The following SEC16A variants were observed in gnomAD, a reference collection of about 807,000 sequenced individuals.
SEC16A encodes the protein SEC16 homolog A, endoplasmic reticulum export factor, also known as protein transport protein Sec16A.
In SEC16A, 110 loss-of-function variants were observed where a neutral mutation model predicts 221.9. The ratio of observed to expected loss-of-function variants is 0.50; its 90% CI spans 0.42 to 0.58. The LOEUF (loss-of-function observed/expected upper bound fraction) is 0.58, where lower values mean the gene tolerates loss of function less well. SEC16A is among the 20% of genes least tolerant of loss of function. The pLI is 0.00. For missense variants in SEC16A, 3,165 were observed against 3,097.8 expected (o/e 1.02, Z -0.52); for synonymous variants, 1,393 against 1,257.7 (o/e 1.11, Z -2.28).
rs750614512 is a variant in SEC16A, at chr9:136,457,505, G to C, written c.5489C>G (p.Ala1830Gly). 1.9e-6 allele frequency: 3 copies of C among 1,609,762 alleles called. No individual in the cohort carries two copies. Among genetic ancestry groups the C allele is most frequent in the Non-Finnish European group, 2.5e-6 (3 of 1,177,982 alleles). The change falls in exon 18 of 32, where the codon GCG (alanine) becomes GGG (glycine). Residue 1830 changes from alanine (A) to glycine (G), a missense_variant. By Grantham distance (60) the Ala-to-Gly change is moderately conservative (BLOSUM62 0). This residue lies in a region of SEC16A where 1,088 missense variants were observed against 1,089.6 expected (regional missense o/e 1.00). Coordinates refer to ENST00000684901, the MANE Select transcript of SEC16A (RefSeq NM_014866.2). ...TQAFHYCEAI[A>G]KSILTQPHLY... ...GTGCGGCTGCGTCAGGATGCTCTTCGCGATGGCCTCACAGTAGTGGAAGGC... is the reference window on the plus strand; with the variant it reads ...GTGCGGCTGCGTCAGGATGCTCTTCCCGATGGCCTCACAGTAGTGGAAGGC...
chr9:136,443,030 G>A (rs1049576651), intron 31 of SEC16A, among the ~76,000 whole-genome samples: 2 of 152,250 alleles, frequency 1.3e-5, no homozygotes, highest in Non-Finnish European at 2.9e-5. Context: ...GACCCACTCC[G>A]GGGAGACCCG....
At chr9:136,454,698 C>T (rs982169116) in intron 20 of SEC16A, among the ~76,000 whole-genome samples, 2 of 152,204 alleles carry the variant, frequency 1.3e-5, no homozygotes, top group Non-Finnish European at 2.9e-5. Context: ...TTCATTCTTC[C>T]GACTCAACAT....
chr9:136,454,062 C>T (rs1460995734), intron 21 of SEC16A, 47 bp downstream of exon 21: 1 of 1,479,326 alleles, frequency 6.8e-7, no homozygotes, highest in Non-Finnish European at 9.2e-7. Context: ...ACAAACACCA[C>T]ACCCCATGCT....
chr9:136,459,134 C>T lies in SEC16A; in HGVS notation c.5409G>A (p.Gln1803=). The T allele has an allele frequency of 6.2e-7, 1 of 1,606,088 alleles. No individual in the cohort carries two copies. The highest frequency in any genetic ancestry group is 8.5e-7 in the Non-Finnish European group (1 of 1,174,650). Residue 1803 remains glutamine (Q), a splice_region_variant and synonymous_variant, in exon 17 of 32, where the codon CAG becomes CAA. Transcript: ENST00000684901. The surrounding 1 kb of genome is among the most constrained non-coding windows in gnomAD (Gnocchi z 6.1). ...GAETCPLPSF[Q]VFKFIYSCRL... ...CTGCAGGCTGGCAGCACCTGCTTAC[C>T]TGGAAACTAGGCAGGGGGCAGGTCT...
At position 136,477,274 on chromosome 9, in the gene SEC16A, C is replaced by T; in HGVS notation, c.342G>A (p.Leu114=). The T allele has an allele frequency of 6.2e-7, 1 of 1,613,920 alleles. No homozygotes were observed. Among genetic ancestry groups the T allele is most frequent in the Non-Finnish European group, 8.5e-7 (1 of 1,179,890 alleles). The change falls in exon 3 of 32, where the codon CTG becomes CTA. Residue 114 remains leucine, a synonymous_variant. Coordinates refer to ENST00000684901, the MANE Select transcript of SEC16A (RefSeq NM_014866.2). The part of the protein sequence containing the change: ...QGPCEPLPGP[L]TQPRAHASPF... ...GACTGGCATGTGCTCTGGGCTGTGT[C>T]AGAGGTCCAGGCAGGGGCTCACAGG...
chr9:136,463,131 G>T lies in SEC16A; in HGVS notation c.4649C>A (p.Thr1550Asn). 6.2e-7 allele frequency: 1 copy of T among 1,608,636 alleles called. No individual in the cohort carries two copies. The change falls in exon 12 of 32, where the codon ACC (threonine) becomes AAC (asparagine). Residue 1550 changes from threonine to asparagine, a missense_variant and splice_region_variant. This residue lies in a region of SEC16A where 1,088 missense variants were observed against 1,089.6 expected (regional missense o/e 1.00). Coordinates refer to ENST00000684901, the MANE Select transcript of SEC16A (RefSeq NM_014866.2). ...CTCCGCAATGTCGGTCCCTACCACGGTCTGTTTGGGTCAACAGGAACAGGA... is the reference window on the plus strand; with the variant it reads ...CTCCGCAATGTCGGTCCCTACCACGTTCTGTTTGGGTCAACAGGAACAGGA... ...FIVLLCRQNG[T>N]VVGTDIAELL...
rs568315097 is a variant in SEC16A, at chr9:136,461,320, C to T, written c.4894-46G>A. On this transcript the variant is annotated intron_variant, in intron 12 of 31. Coordinates refer to ENST00000684901, the MANE Select transcript of SEC16A (RefSeq NM_014866.2). The stretch of plus-strand genomic sequence containing the variant: ...ACCTTGGTGGGTTATCGGCGGCGCT[C>T]ACGTGACATGAGTCAAGACAGGCCA... 3.8e-5 allele frequency: 53 copies of T among 1,402,414 alleles called. No homozygotes were observed. In the South Asian group the frequency reaches 6.3e-4, roughly 17 times the overall value. The allele number at this position is 1,402,414 out of a possible 1,614,324, so 86.9% of individuals were successfully genotyped here.
rs1403917720 is a variant in SEC16A at position 136,451,216 on chromosome 9, C to T, written c.6312+40G>A. ...TGGGAAGCGTGCCTCCTGCCCAAAC[C>T]CTCCCGGCCGCCAGGCGCACCGTGG... On this transcript the variant is annotated intron_variant, in intron 23 of 31. Transcript: ENST00000684901. 1.9e-6 allele frequency: 3 copies of T among 1,589,170 alleles called. No individual in the cohort carries two copies. In the Admixed American group the frequency reaches 5.4e-5, roughly 28 times the overall value.
intron 29 of SEC16A, 136 bp downstream of exon 29, chr9:136,445,509 C>G: frequency 1.4e-6 from 1 of 697,020 alleles, no homozygotes; most frequent in Non-Finnish European, 2.4e-6. Context: ...CCCAGGAACA[C>G]CACCTTCGAG....
intron 31 of SEC16A, among the ~76,000 whole-genome samples, chr9:136,442,303 C>T (rs979294474): frequency 1.3e-5 from 2 of 152,248 alleles, no homozygotes; most frequent in African/African-American, 2.4e-5. Flanking sequence ...GGGAGCAGGA[C>T]AATACCAAAA....
At chr9:136,470,954 C>A (rs1435568873) in intron 4 of SEC16A, among the ~76,000 whole-genome samples, 11 of 152,256 alleles carry the variant, frequency 7.2e-5, no homozygotes, top group East Asian at 5.8e-4. Flanking sequence ...AGCGCGGTGG[C>A]CAGGACCACG....
At position 136,475,020 on chromosome 9, in the gene SEC16A, C is replaced by A. The variant is rs1841433616; in HGVS notation, c.2596G>T (p.Asp866Tyr). ...GCCCAACTGCTGACTGCAGGTCTATCCCCCACCAAAGCCTCTCTCCAGGAC... is the reference window on the plus strand; with the variant it reads ...GCCCAACTGCTGACTGCAGGTCTATACCCCACCAAAGCCTCTCTCCAGGAC... ...NQSWREALVG[D>Y]RPAVSSWALG... Residue 866 changes from aspartate (D) to tyrosine (Y), a missense_variant, in exon 3 of 32, where the codon GAT becomes TAT. Transcript: ENST00000684901. The surrounding 1 kb of genome is among the most constrained non-coding windows in gnomAD (Gnocchi z 5.0). The A allele has an allele frequency of 1.2e-6, 2 of 1,613,636 alleles. No individual in the cohort carries two copies. The highest frequency in any genetic ancestry group is 8.5e-7 in the Non-Finnish European group (1 of 1,179,844).
At chr9:136,482,065 C>A (rs1842443220) in intron 1 of SEC16A, among the ~76,000 whole-genome samples, 1 of 152,160 alleles carries the variant, frequency 6.6e-6, no homozygotes, top group Admixed American at 6.5e-5. Context: ...ACTGTAGTAA[C>A]CACTATTAAC....
At chr9:136,453,572 C>T (rs1040362210) in intron 21 of SEC16A, 62 bp from the exon 22 acceptor site, 23 of 1,366,572 alleles carry the variant, frequency 1.7e-5, no homozygotes, top group Admixed American at 1.2e-4. Context: ...GTGTGTGTGG[C>T]GCACAGATCA....
chr9:136,479,943 A>C (rs1000203525), intron 1 of SEC16A, among the ~76,000 whole-genome samples: 1 of 152,002 alleles, frequency 6.6e-6, no homozygotes, highest in African/African-American at 2.4e-5. Flanking sequence ...TTGAGGCTGC[A>C]GTGAGCCTTG....
intron 13 of SEC16A, among the ~76,000 whole-genome samples, chr9:136,460,721 T>C (rs1839363697): frequency 1.3e-5 from 2 of 151,924 alleles, no homozygotes; most frequent in Non-Finnish European, 2.9e-5. Context: ...GAGACCGGCC[T>C]GGCCAACATG....
At chr9:136,454,061 A>C in intron 21 of SEC16A, 48 bp downstream of exon 21, 1 of 1,478,346 alleles carries the variant, frequency 6.8e-7, no homozygotes, top group Non-Finnish European at 9.2e-7. Flanking sequence ...CACAAACACC[A>C]CACCCCATGC....
At chr9:136,453,644 C>A (rs752525319) in intron 21 of SEC16A, 134 bp from the exon 22 acceptor site, 3 of 697,502 alleles carry the variant, frequency 4.3e-6, no homozygotes, top group Non-Finnish European at 5.0e-6. Context: ...GAAACCAAGG[C>A]TGAACATCTT....
chr9:136,463,410 G>A (rs971410999), intron 11 of SEC16A, 53 bp downstream of exon 11: 1 of 1,593,436 alleles, frequency 6.3e-7, no homozygotes, highest in Non-Finnish European at 8.6e-7. Context: ...GCATTCCCAA[G>A]ACGAAATGAA....
Sources: allele counts gnomAD v4.1 joint callset (sites outside exome capture counted in the v4.1 genomes callset), GRCh38; gene constraint gnomAD v4.1.1; regional missense constraint gnomAD v4.1.1; non-coding constraint Gnocchi (gnomAD v3.1); transcripts MANE v1.5; gene names NCBI Gene and HGNC (gene_info 2026-07-23, HGNC 2026-07-21).